Variants in TRIM10 observed in about 807,000 individuals in gnomAD.
The protein encoded by TRIM10 is tripartite motif containing 10.
In TRIM10, 42 loss-of-function variants were observed where a neutral mutation model predicts 40.0. That is an observed-to-expected ratio of 1.05 (90% CI 0.82 to 1.36). TRIM10 has a LOEUF of 1.36. Among genes scored for constraint, TRIM10 ranks in the 40% most tolerant of loss-of-function variants. TRIM10 has a pLI of 0.00. For missense variants in TRIM10, 601 were observed against 608.3 expected, an observed-to-expected ratio of 0.99 and a Z score of 0.13; for synonymous variants, 260 against 239.5, an observed-to-expected ratio of 1.09 and a Z score of -0.79.
intron 3 of TRIM10, 94 bp downstream of exon 3, chr6:30,158,305 G>A: frequency 6.7e-6 from 7 of 1,044,202 alleles, no homozygotes; most frequent in Non-Finnish European, 1.0e-5. Context: ...GGGATACAGA[G>A]ATGTGTGAGT....
At chr6:30,162,598 G>A (rs1053876554), upstream of TRIM10, among the ~76,000 whole-genome samples, 1 of 152,198 alleles carries the variant, frequency 6.6e-6, no homozygotes, top group African/African-American at 2.4e-5. Context: ...ATGGGTGAAG[G>A]ACCGTGGCTG....
At chr6:30,159,085 T>C in intron 2 of TRIM10, 65 bp downstream of exon 2, 1 of 1,072,506 alleles carries the variant, frequency 9.3e-7, no homozygotes. Context: ...CTATGTTGCC[T>C]CAGTTTCAGG....
Position 30,160,432 on chromosome 6 carries a change from T to C in TRIM10, c.427A>G (p.Arg143Gly), listed in dbSNP as rs144688506. ...ATCCCCCAGTTCCCCTTTCCTACCC[T>C]ATAGGGAGCCGCTGCATCCTCCAGG... ...RFLEDAAAPY[R>G]EQIHKCLKCL... is the part of the protein sequence containing the mutation. The change falls in exon 1 of 7, where the codon AGG becomes GGG. Residue 143 changes from arginine to glycine, a missense_variant and splice_region_variant. Arg to Gly is a moderately radical substitution (Grantham distance 125). Transcript: ENST00000449742. 20 of 1,613,220 alleles carry C rather than the reference T, an allele frequency of 1.2e-5. No homozygotes were observed. The African/African-American group carries it at 2.5e-4, about 20-fold the overall frequency.
At chr6:30,155,651 T>G in intron 6 of TRIM10, 76 bp downstream of exon 6, 1 of 1,357,646 alleles carries the variant, frequency 7.4e-7, no homozygotes, top group Non-Finnish European at 1.0e-6. Context: ...AACATAGTCA[T>G]AGTGCAAATC....
chr6:30,163,989 G>A, upstream of TRIM10: 1 of 1,613,158 alleles, frequency 6.2e-7, no homozygotes, highest in Non-Finnish European at 8.5e-7. Flanking sequence ...GAGTTCCTCT[G>A]TGTGTTCTGC....
rs1409060091 is a variant in TRIM10, at chr6:30,152,723, G to A, written c.*1246C>T. 2.6e-5 allele frequency: 4 copies of A among 152,282 alleles called. No individual in the cohort carries two copies. In the East Asian group the frequency reaches 7.7e-4, roughly 29 times the overall value. The allele number at this position is 152,282 out of a possible 1,614,324, so 9.4% of individuals were successfully genotyped here. A position where few individuals can be genotyped will look rare whatever the true frequency, so the allele number is the denominator to read the frequency against. The stretch of plus-strand genomic sequence containing the variant: ...TGATGTTAAGGAGACTGTCAGTGAA[G>A]GGCATGATTATGCAAAATAAAATAC... On this transcript the variant is annotated 3_prime_UTR_variant, in exon 7 of 7. Coordinates refer to ENST00000449742, the MANE Select transcript of TRIM10 (RefSeq NM_006778.4).
chr6:30,163,104 C>G (rs896031234), upstream of TRIM10: 3 of 153,328 alleles, frequency 2.0e-5, no homozygotes, highest in South Asian at 2.1e-4. Flanking sequence ...AGAGGGGACC[C>G]GATGAGCAAT....
chr6:30,162,659 A>G (rs1773212849), upstream of TRIM10, among the ~76,000 whole-genome samples: 1 of 152,196 alleles, frequency 6.6e-6, no homozygotes, highest in Admixed American at 6.5e-5. Flanking sequence ...GCTTTAAGCC[A>G]GGAGACTGGG....
chr6:30,161,555 T>TTTA (rs1414150508), upstream of TRIM10, among the ~76,000 whole-genome samples: 1 of 148,738 alleles, frequency 6.7e-6, no homozygotes, highest in Non-Finnish European at 1.5e-5. Flanking sequence ...TTGGCCAGAA[T>TTTA]TTATTTACAA....
chr6:30,154,649 G>A, intron 6 of TRIM10, 163 bp from the exon 7 acceptor site: 1 of 848,146 alleles, frequency 1.2e-6, no homozygotes, highest in African/African-American at 1.7e-5. Context: ...GAACTTGTTA[G>A]ATATACGCTC....
Position 30,161,155 on chromosome 6 carries a change from C to T in TRIM10, c.-297G>A, listed in dbSNP as rs1310556677. On this transcript the variant is annotated 5_prime_UTR_variant, in exon 1 of 7. Coordinates refer to ENST00000449742, the MANE Select transcript of TRIM10 (RefSeq NM_006778.4). ...GGCTGGCCATTCCTTTCTGCCCATC[C>T]AGAGACACTCACAGTAGAAGGAAAG... Among the ~76,000 whole-genome samples, 2 of 152,164 alleles carry T rather than the reference C, an allele frequency of 1.3e-5. No homozygotes were observed.
intron 3 of TRIM10, 115 bp downstream of exon 3, chr6:30,158,284 A>G: frequency 3.4e-6 from 3 of 893,920 alleles, no homozygotes; most frequent in Non-Finnish European, 5.4e-6. Flanking sequence ...CCTCTGACCC[A>G]CCTCCCATCT....
chr6:30,158,291 A>T, intron 3 of TRIM10, 108 bp downstream of exon 3: 2 of 944,762 alleles, frequency 2.1e-6, no homozygotes, highest in Non-Finnish European at 3.4e-6. Context: ...CCCACCTCCC[A>T]TCTGGGATAC....
Position 30,154,032 on chromosome 6 carries a change from A to C in TRIM10, c.1383T>G (p.Thr461=). ...EPIYTFTASF[T]RKVIPFFGLW... ...GCCCAAAGAAGGGAATGACCTTCCT[A>C]GTGAAGGAGGCAGTGAAGGTGTAGA... is the stretch of plus-strand genomic sequence containing the variant. Residue 461 remains threonine (T), a synonymous_variant, in exon 7 of 7, where the codon ACT becomes ACG. Transcript: ENST00000449742. 1 of 1,611,654 alleles carries C rather than the reference A, an allele frequency of 6.2e-7. No homozygotes were observed. Among genetic ancestry groups the C allele is most frequent in the East Asian group, 2.2e-5 (1 of 44,840 alleles).
upstream of TRIM10, among the ~76,000 whole-genome samples, chr6:30,162,523 A>G (rs115198271): frequency 3.0e-3 from 460 of 152,202 alleles, 3 homozygotes; most frequent in African/African-American, 7.9e-3. Context: ...AGCAACCACA[A>G]GGGGCTAGGC....
chr6:30,156,220 G>C (rs1772517719), intron 5 of TRIM10, among the ~76,000 whole-genome samples: 1 of 152,208 alleles, frequency 6.6e-6, no homozygotes, highest in Admixed American at 6.5e-5. Flanking sequence ...TGATTAGAGT[G>C]AAATTTCCTT....
chr6:30,157,449 C>G, intron 3 of TRIM10, 58 bp from the exon 4 acceptor site: 1 of 1,511,448 alleles, frequency 6.6e-7, no homozygotes, highest in Non-Finnish European at 9.0e-7. Flanking sequence ...ATTTTTCTTT[C>G]CTTTCTTTTT....
At chr6:30,157,977 G>C (rs1382666035) in intron 3 of TRIM10, among the ~76,000 whole-genome samples, 1 of 152,076 alleles carries the variant, frequency 6.6e-6, no homozygotes, top group Non-Finnish European at 1.5e-5. Context: ...ATACTTTGTG[G>C]GGACCCCAAT....
At chr6:30,163,870 G>C, upstream of TRIM10, 1 of 1,613,066 alleles carries the variant, frequency 6.2e-7, no homozygotes, top group Non-Finnish European at 8.5e-7. Context: ...TCTGCCAAGA[G>C]GAGGAGCAGG....
Sources: gnomAD v4.1 joint callset for allele counts (sites outside exome capture counted in the v4.1 genomes callset) on GRCh38, gnomAD v4.1.1 for gene constraint, MANE v1.5 for transcripts, NCBI Gene and HGNC (gene_info 2026-07-23, HGNC 2026-07-21) for gene names.